Variants in RCSD1 observed in about 807,000 individuals in gnomAD.
RCSD1 encodes RCSD domain containing 1, also known as capZ-interacting protein.
A neutral mutation model predicts 42.5 loss-of-function variants in RCSD1; 26 were observed. The observed-to-expected ratio is 0.61, with a 90% CI of 0.45 to 0.85. The LOEUF is 0.85. RCSD1 is among the 40% of genes least tolerant of loss of function. The pLI, the probability that RCSD1 is intolerant of heterozygous loss-of-function variation, is 0.00. For missense variants in RCSD1, 571 were observed against 528.3 expected, an observed-to-expected ratio of 1.08 and a Z score of -0.79; for synonymous variants, 220 against 212.2, an observed-to-expected ratio of 1.04 and a Z score of -0.32.
intron 1 of RCSD1, among the ~76,000 whole-genome samples, chr1:167,658,949 G>C (rs577180411): frequency 1.3e-5 from 2 of 151,908 alleles, no homozygotes; most frequent in Admixed American, 6.6e-5. Flanking sequence ...TAATTTAATC[G>C]ATGTTGCCAG....
chr1:167,677,574 C>T (rs1658982202), intron 1 of RCSD1, among the ~76,000 whole-genome samples: 1 of 152,156 alleles, frequency 6.6e-6, no homozygotes, highest in Admixed American at 6.5e-5. Context: ...AGATAAGAGA[C>T]AAATGGTTTC....
intron 1 of RCSD1, among the ~76,000 whole-genome samples, chr1:167,677,264 C>A (rs1273966165): frequency 6.6e-6 from 1 of 152,122 alleles, no homozygotes; most frequent in Non-Finnish European, 1.5e-5. Context: ...TACAGATGCT[C>A]AGGAAGGGGT....
At chr1:167,638,937 G>A (rs568764581) in intron 1 of RCSD1, among the ~76,000 whole-genome samples, 2 of 152,212 alleles carry the variant, frequency 1.3e-5, no homozygotes, top group Non-Finnish European at 2.9e-5. Flanking sequence ...CAAGGTCCTG[G>A]TCGGGGGCGG....
At chr1:167,683,841 C>A (rs1415440505) in intron 1 of RCSD1, 59 bp from the exon 2 acceptor site, 1 of 1,507,168 alleles carries the variant, frequency 6.6e-7, no homozygotes, top group African/African-American at 1.4e-5. Flanking sequence ...AAACAGGTGC[C>A]TTGCATGGCA....
intron 1 of RCSD1, among the ~76,000 whole-genome samples, chr1:167,680,462 G>A (rs1332089039): frequency 6.6e-6 from 1 of 151,708 alleles, no homozygotes; most frequent in Non-Finnish European, 1.5e-5. Context: ...TTTTGTTTTT[G>A]TTTTTGTTTT....
At chr1:167,675,285 G>A (rs914400600) in intron 1 of RCSD1, among the ~76,000 whole-genome samples, 1 of 149,844 alleles carries the variant, frequency 6.7e-6, no homozygotes, top group Non-Finnish European at 1.5e-5. Flanking sequence ...TGGACTCACA[G>A]TTCCACATGG....
At chr1:167,700,248 C>T (rs1311588735) in intron 6 of RCSD1, among the ~76,000 whole-genome samples, 1 of 152,150 alleles carries the variant, frequency 6.6e-6, no homozygotes, top group East Asian at 1.9e-4. Flanking sequence ...TATTCTCACT[C>T]ACGCTAGATC....
At chr1:167,641,227 G>C (rs1429402927) in intron 1 of RCSD1, among the ~76,000 whole-genome samples, 1 of 152,074 alleles carries the variant, frequency 6.6e-6, no homozygotes, top group African/African-American at 2.4e-5. Context: ...AACTCATCTG[G>C]TCACTTTTCA....
intron 1 of RCSD1, among the ~76,000 whole-genome samples, chr1:167,647,839 G>A (rs1470736378): frequency 6.6e-6 from 1 of 152,110 alleles, no homozygotes; most frequent in Non-Finnish European, 1.5e-5. Context: ...TAGTCACTTT[G>A]TTTTAAAATA....
chr1:167,673,916 C>T (rs1658873523), intron 1 of RCSD1, among the ~76,000 whole-genome samples: 1 of 152,212 alleles, frequency 6.6e-6, no homozygotes, highest in South Asian at 2.1e-4. Flanking sequence ...GTGAAGCGTT[C>T]CCTGATTCAC....
chr1:167,671,874 G>C (rs1658817092), intron 1 of RCSD1, among the ~76,000 whole-genome samples: 1 of 152,180 alleles, frequency 6.6e-6, no homozygotes, highest in Non-Finnish European at 1.5e-5. Context: ...GTCATTCCCT[G>C]AGGCTCCCCT....
In RCSD1 at chr1:167,697,344, G is replaced by C. The variant is rs145190378; in HGVS notation, c.720G>C (p.Arg240Ser). The change falls in exon 6 of 7, where the codon AGG becomes AGC. Residue 240 changes from arginine to serine, a missense_variant. By Grantham distance (110) the Arg-to-Ser change is moderately radical (BLOSUM62 -1). Coordinates refer to ENST00000367854, the MANE Select transcript of RCSD1 (RefSeq NM_052862.4). The stretch of plus-strand genomic sequence containing the variant: ...GACCTGCTGAAAAGCCTCCTCTGAG[G>C]AGGTCACCCAGCAGGACAGAGAAGC... The part of the protein sequence containing the change: ...TLGPAEKPPL[R>S]RSPSRTEKQE... 1.2e-5 allele frequency: 19 copies of C among 1,614,040 alleles called. No homozygotes were observed. Among genetic ancestry groups the C allele is most frequent in the Non-Finnish European group, 1.6e-5 (19 of 1,179,964 alleles).
At chr1:167,665,390 A>T (rs1658633538) in intron 1 of RCSD1, among the ~76,000 whole-genome samples, 1 of 152,224 alleles carries the variant, frequency 6.6e-6, no homozygotes, top group Admixed American at 6.5e-5. Flanking sequence ...AGTTATTTCT[A>T]GGTCTCAGAT....
In RCSD1 at chr1:167,707,875, T is replaced by G. The variant is rs185614002; in HGVS notation, c.*3179T>G. Reference sequence around the variant, plus strand: ...ATGCCCAGCTAATTTTTGTATTTTTTAGTAGAGACCAGGTTTCACTATGTT... The same window carrying G: ...ATGCCCAGCTAATTTTTGTATTTTTGAGTAGAGACCAGGTTTCACTATGTT... On this transcript the variant is annotated 3_prime_UTR_variant, in exon 7 of 7. Transcript: ENST00000367854. Among the ~76,000 whole-genome samples, 1 of 152,320 alleles carries G rather than the reference T, an allele frequency of 6.6e-6. No homozygotes were observed. The highest frequency in any genetic ancestry group is 6.5e-5 in the Admixed American group (1 of 15,308).
chr1:167,684,862 G>A (rs1005642315), intron 2 of RCSD1, among the ~76,000 whole-genome samples: 18 of 152,132 alleles, frequency 1.2e-4, no homozygotes, highest in African/African-American at 1.7e-4. Context: ...CAACAAGAGC[G>A]AAACTCAGTC....
At chr1:167,666,901 G>A (rs1658672652) in intron 1 of RCSD1, among the ~76,000 whole-genome samples, 1 of 152,214 alleles carries the variant, frequency 6.6e-6, no homozygotes, top group Non-Finnish European at 1.5e-5. Flanking sequence ...TTTTTTAAGT[G>A]TATTTTATGT....
intron 1 of RCSD1, among the ~76,000 whole-genome samples, chr1:167,677,687 C>T (rs1190812522): frequency 6.6e-6 from 1 of 152,214 alleles, no homozygotes; most frequent in East Asian, 1.9e-4. Context: ...CTCAGTGAAT[C>T]TGCATTTTTA....
intron 1 of RCSD1, among the ~76,000 whole-genome samples, chr1:167,658,352 T>C (rs772517857): frequency 3.9e-5 from 6 of 152,252 alleles, no homozygotes; most frequent in African/African-American, 1.2e-4. Context: ...ACTAGTGTTA[T>C]ATAAACTTAT....
At chr1:167,671,627 A>G (rs1473036137) in intron 1 of RCSD1, among the ~76,000 whole-genome samples, 2 of 152,194 alleles carry the variant, frequency 1.3e-5, no homozygotes, top group African/African-American at 4.8e-5. Context: ...TTTACCTTCC[A>G]TGATAGTTGC....
Sources: gnomAD v4.1 joint callset for allele counts (sites outside exome capture counted in the v4.1 genomes callset) on GRCh38, gnomAD v4.1.1 for gene constraint, MANE v1.5 for transcripts, NCBI Gene and HGNC (gene_info 2026-07-23, HGNC 2026-07-21) for gene names.